Variants in KYNU observed in about 807,000 individuals in gnomAD.
KYNU encodes kynureninase.
KYNU carries 54 observed loss-of-function variants against 59.2 expected under a neutral mutation model. The observed-to-expected ratio is 0.91, with a 90% CI of 0.73 to 1.14. KYNU has a LOEUF of 1.14. Among genes scored for constraint, KYNU ranks in the 50% most tolerant of loss-of-function variants. The probability of loss-of-function intolerance (pLI) is 0.00; values close to 1 mark genes in which losing one functional copy is unlikely to be tolerated. For synonymous variants in KYNU, 177 were observed against 192.0 expected (o/e 0.92, Z 0.65); for missense variants, 567 against 554.4 (o/e 1.02, Z -0.23).
chr2:142,949,551 GAA>G lies in KYNU; in HGVS notation c.374-5258_374-5257del, dbSNP rs1428457759. Among the ~76,000 whole-genome samples the G allele has an allele frequency of 3.9e-5, 6 of 152,324 alleles. No homozygotes were observed. In the East Asian group the frequency reaches 9.6e-4, roughly 24 times the overall value. ...CCAAGGCTTGAGGCTTGCACCCTTT[GAA>G]GCCACAGACTGAGCTGTACCTTGGC... On this transcript the variant is annotated intron_variant, in intron 4 of 13. Coordinates refer to ENST00000264170, the MANE Select transcript of KYNU (RefSeq NM_003937.3).
chr2:142,968,433 G>A (rs919649499), intron 8 of KYNU, among the ~76,000 whole-genome samples: 1 of 152,106 alleles, frequency 6.6e-6, no homozygotes, highest in Admixed American at 6.5e-5. Flanking sequence ...ACTAAAGAAG[G>A]TCCCACTAAG....
intron 11 of KYNU, among the ~76,000 whole-genome samples, chr2:143,030,469 T>G (rs1686707397): frequency 1.3e-5 from 2 of 152,206 alleles, no homozygotes; most frequent in Non-Finnish European, 2.9e-5. Context: ...TTTTCATTTT[T>G]TATTGACTTT....
intron 8 of KYNU, among the ~76,000 whole-genome samples, chr2:142,962,869 T>G (rs538198867): frequency 6.6e-6 from 1 of 152,310 alleles, no homozygotes; most frequent in Admixed American, 6.5e-5. Flanking sequence ...TCGATAGGTC[T>G]CTCTGGTGGT....
chr2:143,003,329 C>T (rs1334318862), intron 10 of KYNU, among the ~76,000 whole-genome samples: 1 of 151,994 alleles, frequency 6.6e-6, no homozygotes, highest in Non-Finnish European at 1.5e-5. Context: ...TTTGGGAGAC[C>T]AAGGCAGGGG....
At chr2:143,032,825 T>C (rs1302299739) in intron 11 of KYNU, among the ~76,000 whole-genome samples, 2 of 151,326 alleles carry the variant, frequency 1.3e-5, no homozygotes, top group Non-Finnish European at 2.9e-5. Flanking sequence ...TCATTCATAT[T>C]TCTGCCTTTG....
chr2:142,908,320 C>A (rs1306298142), intron 2 of KYNU, among the ~76,000 whole-genome samples: 1 of 151,918 alleles, frequency 6.6e-6, no homozygotes, highest in Admixed American at 6.6e-5. Context: ...TTAATTAAAT[C>A]TTAAATTACA....
In KYNU at chr2:142,988,889, A is replaced by G. The variant is rs200138991; in HGVS notation, c.902+2868A>G. The G allele has an allele frequency of 4.2e-4, 676 of 1,608,176 alleles. 6 individuals are homozygous for G. In the South Asian group the frequency reaches 7.0e-3, roughly 17 times the overall value. On this transcript the variant is annotated intron_variant, in intron 10 of 13. Transcript: ENST00000264170. ...TAGGAATGGAATGCAACAGATTTGG[A>G]CAAGTCAAGGACAAGGTATTTTCCA... is the stretch of plus-strand genomic sequence containing the variant.
chr2:142,943,065 G>A lies in KYNU; in HGVS notation c.374-11745G>A, dbSNP rs536877775. Among the ~76,000 whole-genome samples, 14 of 151,926 alleles carry A rather than the reference G, an allele frequency of 9.2e-5. No homozygotes were observed. In the South Asian group the frequency reaches 2.9e-3, roughly 32 times the overall value. On this transcript the variant is annotated intron_variant, in intron 4 of 13. Coordinates refer to ENST00000264170, the MANE Select transcript of KYNU (RefSeq NM_003937.3). ...GATATTGGGAAACTGCTGATCACGAGTTTCAGGTTTTTTTCTATCTTTTGG... is the reference window on the plus strand; with the variant it reads ...GATATTGGGAAACTGCTGATCACGAATTTCAGGTTTTTTTCTATCTTTTGG...
At chr2:142,934,359 G>T (rs1195332887) in intron 4 of KYNU, among the ~76,000 whole-genome samples, 13 of 152,142 alleles carry the variant, frequency 8.5e-5, no homozygotes, top group Admixed American at 8.5e-4. Context: ...TAAGGTGGCA[G>T]GTTGGAGGAG....
chr2:142,972,809 T>TAGAGAGAG lies in KYNU; in HGVS notation c.729+12040_729+12041insGAGAGAGA, dbSNP rs1186056484. ...CAGAGGCCATATATATATATATATA[T>TAGAGAGAG]ATATAGAGAGAGAGAGAGAGAGAGA... On this transcript the variant is annotated intron_variant, in intron 8 of 13. Transcript: ENST00000264170. Among the ~76,000 whole-genome samples, 237 of 137,368 alleles carry TAGAGAGAG rather than the reference T, an allele frequency of 1.7e-3. 2 individuals carry two copies. In the East Asian group the frequency reaches 0.036, roughly 21 times the overall value. 90.1% of individuals were successfully genotyped at this position (137,368 alleles called of 152,430 possible). A position where few individuals can be genotyped will look rare whatever the true frequency, so the allele number is the denominator to read the frequency against.
At chr2:143,008,078 G>T (rs1263969881) in intron 10 of KYNU, among the ~76,000 whole-genome samples, 1 of 121,736 alleles carries the variant, frequency 8.2e-6, no homozygotes, top group South Asian at 2.9e-4. Flanking sequence ...AAATGTAAAT[G>T]GACTAAATTC....
At chr2:142,892,174 A>G (rs758171092) in intron 2 of KYNU, among the ~76,000 whole-genome samples, 1 of 152,212 alleles carries the variant, frequency 6.6e-6, no homozygotes, top group African/African-American at 2.4e-5. Context: ...TCAGACTCCA[A>G]AGTGTTGGGA....
chr2:142,989,479 T>A, intron 10 of KYNU: 3 of 985,012 alleles, frequency 3.0e-6, no homozygotes, highest in Non-Finnish European at 3.6e-6. Context: ...CTTTGTTGCT[T>A]AAAAAGGGTG....
chr2:142,957,856 A>G (rs1027351634), intron 7 of KYNU, 141 bp downstream of exon 7: 17 of 630,462 alleles, frequency 2.7e-5, no homozygotes, highest in African/African-American at 9.2e-5. Flanking sequence ...TTCTGTTACT[A>G]TTAGATCATT....
chr2:142,893,614 C>A (rs1202856953), intron 2 of KYNU, among the ~76,000 whole-genome samples: 1 of 151,774 alleles, frequency 6.6e-6, no homozygotes, highest in Non-Finnish European at 1.5e-5. Flanking sequence ...ATGCTTTTTT[C>A]AAGCAAGGTG....
At chr2:142,886,878 TA>T (rs1681532966) in intron 2 of KYNU, among the ~76,000 whole-genome samples, 1 of 152,048 alleles carries the variant, frequency 6.6e-6, no homozygotes, top group Non-Finnish European at 1.5e-5. Flanking sequence ...AGTTTAAAAA[TA>T]GCATTGTACA....
At chr2:143,032,822 T>C (rs1686795842) in intron 11 of KYNU, among the ~76,000 whole-genome samples, 1 of 151,786 alleles carries the variant, frequency 6.6e-6, no homozygotes, top group African/African-American at 2.4e-5. Flanking sequence ...ATTTCATTCA[T>C]ATTTCTGCCT....
intron 3 of KYNU, among the ~76,000 whole-genome samples, chr2:142,925,003 G>T (rs2105007991): frequency 6.6e-6 from 1 of 152,262 alleles, no homozygotes; most frequent in African/African-American, 2.4e-5. Flanking sequence ...ATTGCAGGAA[G>T]AAACACATCC....
chr2:142,917,794 G>A (rs1338361094), intron 2 of KYNU, among the ~76,000 whole-genome samples: 2 of 152,216 alleles, frequency 1.3e-5, no homozygotes, highest in East Asian at 1.9e-4. Flanking sequence ...GAAATAGATG[G>A]TATGTCTTTA....
Sources: allele counts gnomAD v4.1 joint callset (sites outside exome capture counted in the v4.1 genomes callset), GRCh38; gene constraint gnomAD v4.1.1; transcripts MANE v1.5; gene names NCBI Gene and HGNC (gene_info 2026-07-23, HGNC 2026-07-21).